Variants in DCLRE1B observed in about 807,000 individuals in gnomAD.
The protein encoded by DCLRE1B is DNA cross-link repair 1B, also known as 5' exonuclease Apollo.
In DCLRE1B, 6 loss-of-function variants were observed where a neutral mutation model predicts 19.8. That is an observed-to-expected ratio of 0.30 (90% confidence interval 0.17 to 0.60). The LOEUF is 0.60. Ranked by LOEUF, DCLRE1B falls within the 20% of genes least tolerant of loss-of-function variation. The pLI is 0.87. For synonymous variants in DCLRE1B, 258 were observed against 255.7 expected (o/e 1.01, Z -0.09); for missense variants, 622 against 654.2 (o/e 0.95, Z 0.54).
intron 2 of DCLRE1B, 73 bp downstream of exon 2, chr1:113,907,234 T>TTTTTTTA (rs369506973): frequency 9.2e-5 from 91 of 991,270 alleles, no homozygotes; most frequent in South Asian, 2.9e-4. Flanking sequence ...TTTTTTTTTT[T>TTTTTTTA]AATGTATAGA....
Position 113,908,179 on chromosome 1 carries a change from A to G in DCLRE1B, c.526A>G (p.Asn176Asp). 2 of 1,613,592 alleles carry G rather than the reference A, an allele frequency of 1.2e-6. No individual in the cohort carries two copies. Among genetic ancestry groups the G allele is most frequent in the Non-Finnish European group, 1.7e-6 (2 of 1,179,788 alleles). ...VQLIRKHPQH[N>D]IKIGLYSLGK... ...GCTCATTCGAAAACACCCACAACAT[A>G]ACATAAAGATTGGTGAGTTGTTTCC... Residue 176 changes from asparagine (N) to aspartate (D), a missense_variant, in exon 3 of 4, where the codon AAC (asparagine) becomes GAC (aspartate). Asn to Asp is a conservative substitution (Grantham distance 23, BLOSUM62 1). Around this residue, in one of 3 missense-constraint regions of DCLRE1B, gnomAD observed 237 missense variants for 223.8 expected, o/e 1.06. Transcript: ENST00000650450.
rs745785922 is a variant in DCLRE1B at position 113,912,322 on chromosome 1, C to T, written c.*131C>T. 60 of 896,050 alleles carry T rather than the reference C, an allele frequency of 6.7e-5. No individual in the cohort carries two copies. Among genetic ancestry groups the T allele is most frequent in the Non-Finnish European group, 8.9e-5 (55 of 615,770 alleles). 55.5% of individuals were successfully genotyped at this position (896,050 alleles called of 1,614,324 possible). On this transcript the variant is annotated 3_prime_UTR_variant, in exon 4 of 4. Coordinates refer to ENST00000650450, the MANE Select transcript of DCLRE1B (RefSeq NM_022836.4). ...CTTTACAAGACTCTTATGGGCCCAC[C>T]GTGGAGCAGCACTTCCCAAAACTTG...
chr1:113,909,732 C>A (rs776230233), intron 3 of DCLRE1B, among the ~76,000 whole-genome samples: 15 of 152,142 alleles, frequency 9.9e-5, no homozygotes, highest in Non-Finnish European at 2.2e-4. Context: ...AGCCTCTACC[C>A]ACTAAGTACC....
chr1:113,907,283 C>T, intron 2 of DCLRE1B, 122 bp downstream of exon 2: 1 of 918,426 alleles, frequency 1.1e-6, no homozygotes, highest in East Asian at 2.8e-5. Flanking sequence ...GTCTCAAACT[C>T]CTGACCTCAA....
Position 113,912,048 on chromosome 1 carries a change from A to G in DCLRE1B, c.1456A>G (p.Ser486Gly). ...WMGHGSPLSH[S>G]SKGTPLLATE... ...GGGCCATGGTTCTCCCCTGTCCCACAGCAGCAAGGGCACCCCTCTTCTAGC... is the reference window on the plus strand; with the variant it reads ...GGGCCATGGTTCTCCCCTGTCCCACGGCAGCAAGGGCACCCCTCTTCTAGC... The change falls in exon 4 of 4, where the codon AGC becomes GGC. Residue 486 changes from serine to glycine, a missense_variant. This residue lies in a region of DCLRE1B where 382 missense variants were observed against 412.5 expected (regional missense o/e 0.93). Transcript: ENST00000650450. The G allele has an allele frequency of 6.2e-7, 1 of 1,614,246 alleles. No homozygotes were observed. Among genetic ancestry groups the G allele is most frequent in the Non-Finnish European group, 8.5e-7 (1 of 1,180,038 alleles).
Position 113,911,448 on chromosome 1 carries a change from G to A in DCLRE1B, c.856G>A (p.Val286Ile), listed in dbSNP as rs768699964. The change falls in exon 4 of 4, where the codon GTC (valine) becomes ATC (isoleucine). Residue 286 changes from valine (V) to isoleucine (I), a missense_variant. This residue lies in a region of DCLRE1B where 382 missense variants were observed against 412.5 expected (regional missense o/e 0.93). Coordinates refer to ENST00000650450, the MANE Select transcript of DCLRE1B (RefSeq NM_022836.4). ...HSSYSELRAFVAALKPCQVVP... is the reference protein window; with the variant it reads ...HSSYSELRAFIAALKPCQVVP... ...CTCTTACTCCGAGCTTCGTGCCTTT[G>A]TCGCAGCACTGAAGCCTTGCCAGGT... 4.3e-6 allele frequency: 7 copies of A among 1,614,152 alleles called. No individual in the cohort carries two copies. The highest frequency in any genetic ancestry group is 1.7e-5 in the Admixed American group (1 of 60,010).
chr1:113,909,556 G>A (rs1336034141), intron 3 of DCLRE1B, among the ~76,000 whole-genome samples: 1 of 152,012 alleles, frequency 6.6e-6, no homozygotes, highest in Non-Finnish European at 1.5e-5. Flanking sequence ...TAACTTCCAG[G>A]GTGACTACCA....
At chr1:113,910,180 C>T (rs1001318879) in intron 3 of DCLRE1B, among the ~76,000 whole-genome samples, 9 of 152,152 alleles carry the variant, frequency 5.9e-5, no homozygotes, top group South Asian at 2.1e-4. Flanking sequence ...TTTTAAAGCC[C>T]TGCTCTGAGC....
intron 1 of DCLRE1B, among the ~76,000 whole-genome samples, chr1:113,906,616 G>A (rs909430243): frequency 2.1e-4 from 31 of 150,604 alleles, no homozygotes; most frequent in Non-Finnish European, 4.0e-4. Flanking sequence ...TCAGCCTCCC[G>A]AGTAGCTGGG....
intron 3 of DCLRE1B, among the ~76,000 whole-genome samples, chr1:113,908,764 G>A (rs12046289): frequency 0.14 from 20,601 of 151,778 alleles, 2,191 homozygotes; most frequent in East Asian, 0.51. Flanking sequence ...CTTACTTGTT[G>A]TCTATCATGC....
At position 113,911,727 on chromosome 1, in the gene DCLRE1B, T is replaced by C; in HGVS notation, c.1135T>C (p.Ser379Pro). 1 of 1,614,102 alleles carries C rather than the reference T, an allele frequency of 6.2e-7. No individual in the cohort carries two copies. Among genetic ancestry groups the C allele is most frequent in the Non-Finnish European group, 8.5e-7 (1 of 1,180,030 alleles). Residue 379 changes from serine to proline, a missense_variant, in exon 4 of 4, where the codon TCT becomes CCT. Ser to Pro is a moderately conservative substitution (Grantham distance 74). Around this residue, in one of 3 missense-constraint regions of DCLRE1B, gnomAD observed 382 missense variants for 412.5 expected, o/e 0.93. Transcript: ENST00000650450. ...DSKKAKKEKL[S>P]PWPADLEKQP... Reference sequence around the variant, plus strand: ...AAAGAAGGCCAAGAAAGAGAAACTTTCTCCCTGGCCTGCGGACCTTGAAAA... The same window carrying C: ...AAAGAAGGCCAAGAAAGAGAAACTTCCTCCCTGGCCTGCGGACCTTGAAAA...
upstream of DCLRE1B, chr1:113,904,880 C>A (rs1373468614): frequency 1.5e-6 from 1 of 680,534 alleles, no homozygotes; most frequent in African/African-American, 1.8e-5. Context: ...CACGCTGGCC[C>A]TGACACACTT....
At chr1:113,907,204 G>GTTGTTTTTTTTT in intron 2 of DCLRE1B, 43 bp downstream of exon 2, 1 of 491,100 alleles carries the variant, frequency 2.0e-6, no homozygotes, top group Admixed American at 5.4e-5. Context: ...CAGACTAGAT[G>GTTGTTTTTTTTT]TTTTTTTTTT....
In DCLRE1B at chr1:113,911,464, C is replaced by G; in HGVS notation, c.872C>G (p.Pro291Arg). Residue 291 changes from proline to arginine, a missense_variant, in exon 4 of 4, where the codon CCT becomes CGT. By Grantham distance (103) the Pro-to-Arg change is moderately radical. Coordinates refer to ENST00000650450, the MANE Select transcript of DCLRE1B (RefSeq NM_022836.4). ...CGTGCCTTTGTCGCAGCACTGAAGCCTTGCCAGGTGGTGCCCATTGTAAGT... is the reference window on the plus strand; with the variant it reads ...CGTGCCTTTGTCGCAGCACTGAAGCGTTGCCAGGTGGTGCCCATTGTAAGT... ...ELRAFVAALKPCQVVPIVSRR... is the reference protein window; with the variant it reads ...ELRAFVAALKRCQVVPIVSRR... The G allele has an allele frequency of 6.2e-7, 1 of 1,614,190 alleles. No individual in the cohort carries two copies. Among genetic ancestry groups the G allele is most frequent in the Non-Finnish European group, 8.5e-7 (1 of 1,180,046 alleles).
At chr1:113,910,144 AAAT>A (rs1383243224) in intron 3 of DCLRE1B, among the ~76,000 whole-genome samples, 1 of 152,192 alleles carries the variant, frequency 6.6e-6, no homozygotes, top group East Asian at 1.9e-4. Context: ...CCTGGCAGTC[AAAT>A]AATATTATTA....
At chr1:113,907,728 C>T (rs891127002) in intron 2 of DCLRE1B, among the ~76,000 whole-genome samples, 2 of 152,122 alleles carry the variant, frequency 1.3e-5, no homozygotes, top group Non-Finnish European at 2.9e-5. Context: ...CCTGGCTCGG[C>T]CCCCCAAAGT....
intron 2 of DCLRE1B, 110 bp from the exon 3 acceptor site, chr1:113,907,899 G>C: frequency 7.9e-7 from 1 of 1,261,632 alleles, no homozygotes; most frequent in Non-Finnish European, 1.1e-6. Flanking sequence ...CTACATAATA[G>C]TTTTTTCACA....
chr1:113,905,896 C>G (rs1668911375), intron 1 of DCLRE1B, 121 bp downstream of exon 1: 1 of 1,157,210 alleles, frequency 8.6e-7, no homozygotes, highest in African/African-American at 1.6e-5. Context: ...TGTTTGAACC[C>G]AAAAATGCAT....
chr1:113,908,072 A>G lies in DCLRE1B; in HGVS notation c.419A>G (p.His140Arg), dbSNP rs955704619. ...GCCCTGACACTGGGGAAACAGATCCATACTTTATACCTAGACAACACCAAT... is the reference window on the plus strand; with the variant it reads ...GCCCTGACACTGGGGAAACAGATCCGTACTTTATACCTAGACAACACCAAT... ...EPALTLGKQI[H>R]TLYLDNTNCN... Residue 140 changes from histidine to arginine, a missense_variant, in exon 3 of 4, where the codon CAT becomes CGT. Around this residue, in one of 3 missense-constraint regions of DCLRE1B, gnomAD observed 237 missense variants for 223.8 expected, o/e 1.06. Coordinates refer to ENST00000650450, the MANE Select transcript of DCLRE1B (RefSeq NM_022836.4). The G allele has an allele frequency of 3.1e-6, 5 of 1,614,098 alleles. No homozygotes were observed. Among genetic ancestry groups the G allele is most frequent in the Non-Finnish European group, 4.2e-6 (5 of 1,180,044 alleles).
Sources: gnomAD v4.1 joint callset for allele counts (sites outside exome capture counted in the v4.1 genomes callset) on GRCh38, gnomAD v4.1.1 for gene constraint, gnomAD v4.1.1 regional missense constraint, MANE v1.5 for transcripts, NCBI Gene and HGNC (gene_info 2026-07-23, HGNC 2026-07-21) for gene names.